Variants in SLC25A40 observed in about 807,000 individuals in gnomAD.
The protein encoded by SLC25A40 is solute carrier family 25 member 40.
A neutral mutation model predicts 46.5 loss-of-function variants in SLC25A40; 41 were observed. The observed-to-expected ratio is 0.88, with a 90% CI of 0.69 to 1.14. SLC25A40 has a LOEUF of 1.14. Among genes scored for constraint, SLC25A40 ranks in the 50% most tolerant of loss-of-function variants. The pLI is 0.00. For missense variants in SLC25A40, 386 were observed against 393.6 expected, an observed-to-expected ratio of 0.98 and a Z score of 0.16; for synonymous variants, 126 against 127.5, an observed-to-expected ratio of 0.99 and a Z score of 0.08.
Position 87,836,748 on chromosome 7 carries a change from A to G in SLC25A40, c.886T>C (p.Phe296Leu), listed in dbSNP as rs1838262582. ...IMKNIVAKNG[F>L]SGLFSGLIPR... ...TTTTTACCTGAAAATAATCCGGAAAATCCATTTTTAGCAACAATGTTCTTC... is the reference window on the plus strand; with the variant it reads ...TTTTTACCTGAAAATAATCCGGAAAGTCCATTTTTAGCAACAATGTTCTTC... The change falls in exon 11 of 12, where the codon TTT (phenylalanine) becomes CTT (leucine). Residue 296 changes from phenylalanine (F) to leucine (L), a missense_variant. Coordinates refer to ENST00000341119, the MANE Select transcript of SLC25A40 (RefSeq NM_018843.4). 1 of 1,548,420 alleles carries G rather than the reference A, an allele frequency of 6.5e-7. No individual in the cohort carries two copies.
At chr7:87,854,175 T>G in intron 5 of SLC25A40, 29 bp downstream of exon 5, 1 of 1,357,640 alleles carries the variant, frequency 7.4e-7, no homozygotes, top group Non-Finnish European at 1.1e-6. Context: ...GAAAATATAC[T>G]GTGATTCTAA....
intron 10 of SLC25A40, among the ~76,000 whole-genome samples, chr7:87,838,393 G>C (rs563279534): frequency 1.3e-5 from 2 of 151,488 alleles, no homozygotes; most frequent in South Asian, 4.2e-4. Context: ...TCAACTGAAG[G>C]TAAGCCAAGT....
intron 1 of SLC25A40, among the ~76,000 whole-genome samples, chr7:87,865,145 C>T (rs1027429163): frequency 1.3e-5 from 2 of 151,944 alleles, no homozygotes; most frequent in Admixed American, 6.6e-5. Flanking sequence ...ACTGGTCTAA[C>T]GCATTGCTTG....
chr7:87,849,776 G>T, intron 6 of SLC25A40, 105 bp downstream of exon 6: 1 of 782,906 alleles, frequency 1.3e-6, no homozygotes, highest in Non-Finnish European at 1.9e-6. Context: ...CTCAGAAAAT[G>T]AAAGCATTCT....
At chr7:87,867,432 T>G (rs1838821536) in intron 1 of SLC25A40, among the ~76,000 whole-genome samples, 1 of 152,200 alleles carries the variant, frequency 6.6e-6, no homozygotes, top group Non-Finnish European at 1.5e-5. Context: ...GAGTTCCAGA[T>G]TTCATTTTTA....
intron 6 of SLC25A40, among the ~76,000 whole-genome samples, 168 bp downstream of exon 6, chr7:87,849,713 C>T (rs1203158952): frequency 6.6e-6 from 1 of 152,144 alleles, no homozygotes; most frequent in African/African-American, 2.4e-5. Context: ...CCTGCAAGTC[C>T]TTCTAGTACA....
At chr7:87,872,211 A>G (rs118164114) in intron 1 of SLC25A40, among the ~76,000 whole-genome samples, 158 of 152,330 alleles carry the variant, frequency 1.0e-3, no homozygotes, top group Admixed American at 1.8e-3. Flanking sequence ...CAAAACTTAC[A>G]TGGAAGTAGA....
intron 1 of SLC25A40, among the ~76,000 whole-genome samples, chr7:87,861,039 GA>G (rs1562748330): frequency 1.3e-5 from 2 of 152,066 alleles, no homozygotes; most frequent in African/African-American, 4.8e-5. Flanking sequence ...AATCTGAATC[GA>G]AACAATCTTT....
intron 5 of SLC25A40, among the ~76,000 whole-genome samples, chr7:87,851,960 G>C (rs1283591379): frequency 6.6e-6 from 1 of 152,132 alleles, no homozygotes; most frequent in African/African-American, 2.4e-5. Flanking sequence ...ATAGGCTTAA[G>C]TCCTACTCTC....
chr7:87,848,817 T>C (rs1838461784), intron 6 of SLC25A40, among the ~76,000 whole-genome samples: 1 of 152,214 alleles, frequency 6.6e-6, no homozygotes, highest in Non-Finnish European at 1.5e-5. Context: ...GACTATAAAT[T>C]GGAATGCCTA....
chr7:87,839,093 G>T (rs1450386737), intron 10 of SLC25A40, among the ~76,000 whole-genome samples: 1 of 151,396 alleles, frequency 6.6e-6, no homozygotes, highest in Non-Finnish European at 1.5e-5. Flanking sequence ...CTGCCAGATT[G>T]TTTTCCAAAG....
At chr7:87,875,950 C>A (rs1839002550) in intron 1 of SLC25A40, 146 bp downstream of exon 1, 1 of 152,324 alleles carries the variant, frequency 6.6e-6, no homozygotes, top group Non-Finnish European at 1.5e-5. Context: ...CGACCCAGGG[C>A]GCGCTGAGCA....
intron 4 of SLC25A40, among the ~76,000 whole-genome samples, chr7:87,855,204 G>A (rs149009148): frequency 6.0e-5 from 9 of 150,478 alleles, no homozygotes; most frequent in African/African-American, 2.2e-4. Flanking sequence ...CTTCTTTTAA[G>A]TTATCTGAGG....
In SLC25A40 at chr7:87,858,898, G is replaced by C. The variant is rs376518799; in HGVS notation, c.-24-147C>G. ...AACAGATACTGACAGAATGAAAGCA[G>C]GTGACCACTAAGTCTGAGTCTGTGA... On this transcript the variant is annotated intron_variant, in intron 2 of 11. Coordinates refer to ENST00000341119, the MANE Select transcript of SLC25A40 (RefSeq NM_018843.4). 1.4e-3 allele frequency: 859 copies of C among 602,180 alleles called. 2 individuals are homozygous for C. The highest frequency in any genetic ancestry group is 4.4e-3 in the South Asian group (220 of 49,470). 37.3% of individuals were successfully genotyped at this position (602,180 alleles called of 1,614,324 possible). A position where few individuals can be genotyped will look rare whatever the true frequency, so the allele number is the denominator to read the frequency against.
chr7:87,872,483 T>C (rs1241498499), intron 1 of SLC25A40, among the ~76,000 whole-genome samples: 3 of 152,074 alleles, frequency 2.0e-5, no homozygotes, highest in African/African-American at 4.8e-5. Flanking sequence ...AGTCAGATGA[T>C]AGAGGAAGAA....
In SLC25A40 at chr7:87,861,860, A is replaced by T. The variant is rs888106215; in HGVS notation, c.-93-1220T>A. On this transcript the variant is annotated intron_variant, in intron 1 of 11. Coordinates refer to ENST00000341119, the MANE Select transcript of SLC25A40 (RefSeq NM_018843.4). ...TCAGAATGTAAGGAAACAAGTCAGA[A>T]ATTTAGATATAACTTTTTAGAATAG... Among the ~76,000 whole-genome samples, 4 of 152,312 alleles carry T rather than the reference A, an allele frequency of 2.6e-5. No homozygotes were observed. In the East Asian group the frequency reaches 7.7e-4, roughly 29 times the overall value.
At chr7:87,868,723 T>C (rs947080170) in intron 1 of SLC25A40, among the ~76,000 whole-genome samples, 1 of 152,210 alleles carries the variant, frequency 6.6e-6, no homozygotes, top group Non-Finnish European at 1.5e-5. Flanking sequence ...CATGCCACCC[T>C]GCAGGAACCT....
chr7:87,874,913 T>C (rs1471646351), intron 1 of SLC25A40, among the ~76,000 whole-genome samples: 1 of 152,248 alleles, frequency 6.6e-6, no homozygotes, highest in Non-Finnish European at 1.5e-5. Context: ...CATGCTCTCC[T>C]TGGCAATTTC....
At chr7:87,871,112 C>T (rs1176202434) in intron 1 of SLC25A40, among the ~76,000 whole-genome samples, 1 of 152,204 alleles carries the variant, frequency 6.6e-6, no homozygotes, top group Non-Finnish European at 1.5e-5. Flanking sequence ...CATCCACTCA[C>T]CTGCACTCCC....
Sources: allele counts gnomAD v4.1 joint callset (sites outside exome capture counted in the v4.1 genomes callset), GRCh38; gene constraint gnomAD v4.1.1; transcripts MANE v1.5; gene names NCBI Gene and HGNC (gene_info 2026-07-23, HGNC 2026-07-21).